Variants in CLINT1 observed in about 807,000 individuals in gnomAD.
CLINT1 encodes clathrin interacting protein localized in the trans-Golgi region.
Under a neutral mutation model 70.4 loss-of-function variants are expected in CLINT1, and 15 were observed. The ratio of observed to expected loss-of-function variants is 0.21; its 90% confidence interval spans 0.14 to 0.33. The LOEUF is 0.33. CLINT1 is among the 10% of genes least tolerant of loss of function. The pLI is 1.00. For synonymous variants in CLINT1, 227 were observed against 254.7 expected (o/e 0.89, Z 1.04); for missense variants, 615 against 778.1 (o/e 0.79, Z 2.49).
intron 1 of CLINT1, among the ~76,000 whole-genome samples, chr5:157,837,324 T>C (rs1763456021): frequency 6.6e-6 from 1 of 152,068 alleles, no homozygotes; most frequent in African/African-American, 2.4e-5. Context: ...CGCAGTGGGC[T>C]AGATTGTGCC....
chr5:157,818,786 A>C (rs1762795771), intron 1 of CLINT1, among the ~76,000 whole-genome samples: 1 of 152,250 alleles, frequency 6.6e-6, no homozygotes, highest in Admixed American at 6.5e-5. Context: ...TTTGGTTAAA[A>C]TGGAATTTCT....
intron 1 of CLINT1, among the ~76,000 whole-genome samples, chr5:157,853,194 C>G (rs1753631538): frequency 2.0e-5 from 3 of 151,372 alleles, no homozygotes; most frequent in African/African-American, 7.3e-5. Context: ...CAAAAATTAG[C>G]TGGGCATGGT....
rs1199602185 is a variant in CLINT1, at chr5:157,809,681, G to A, written c.642C>T (p.Asp214=). ...LSDKIGSTID[D]TISKFRRKDR... The stretch of plus-strand genomic sequence containing the variant: ...CTTTCCTCCGGAACTTGCTGATGGT[G>A]TCATCAATTGTGCTTCCAATTTTAT... Residue 214 remains aspartate, a synonymous_variant, in exon 6 of 12, where the codon GAC becomes GAT. Coordinates refer to ENST00000411809, the MANE Select transcript of CLINT1 (RefSeq NM_014666.4). 7 of 1,612,848 alleles carry A rather than the reference G, an allele frequency of 4.3e-6. No homozygotes were observed. Among genetic ancestry groups the A allele is most frequent in the Non-Finnish European group, 5.9e-6 (7 of 1,179,436 alleles).
intron 1 of CLINT1, among the ~76,000 whole-genome samples, chr5:157,856,687 G>C (rs1753771516): frequency 6.6e-6 from 1 of 152,244 alleles, no homozygotes; most frequent in South Asian, 2.1e-4. Context: ...AAAATCCCGA[G>C]TACTCATCAG....
intron 9 of CLINT1, among the ~76,000 whole-genome samples, chr5:157,792,975 AT>A (rs1761964142): frequency 6.6e-6 from 1 of 152,234 alleles, no homozygotes; most frequent in African/African-American, 2.4e-5. Context: ...TTGGAAATAC[AT>A]TTTGTCTAGC....
chr5:157,790,469 A>C (rs1761867959), intron 10 of CLINT1: 1 of 326,062 alleles, frequency 3.1e-6, no homozygotes, highest in Non-Finnish European at 5.9e-6. Context: ...AGGAACAGGA[A>C]GAGGAAGAAT....
intron 1 of CLINT1, among the ~76,000 whole-genome samples, chr5:157,829,615 C>G (rs1401855402): frequency 6.6e-6 from 1 of 151,442 alleles, no homozygotes; most frequent in East Asian, 2.0e-4. Context: ...CTCAACCTCC[C>G]TGGGCTCAGG....
chr5:157,835,057 C>T (rs1043667948), intron 1 of CLINT1, among the ~76,000 whole-genome samples: 1 of 152,210 alleles, frequency 6.6e-6, no homozygotes, highest in Non-Finnish European at 1.5e-5. Context: ...CAAGCTGACA[C>T]TTTGCCTTCT....
intron 2 of CLINT1, 55 bp from the exon 3 acceptor site, chr5:157,816,885 T>C: frequency 8.0e-7 from 1 of 1,257,230 alleles, no homozygotes; most frequent in East Asian, 2.4e-5. Flanking sequence ...TGACAGTAGA[T>C]GGCAGACTTG....
chr5:157,849,254 C>T (rs1002372556), intron 1 of CLINT1, among the ~76,000 whole-genome samples: 11 of 152,224 alleles, frequency 7.2e-5, no homozygotes, highest in Non-Finnish European at 1.5e-4. Flanking sequence ...CTTCAGCAAT[C>T]CCACAACCCT....
intron 1 of CLINT1, among the ~76,000 whole-genome samples, chr5:157,835,409 T>C (rs1763384827): frequency 6.6e-6 from 1 of 151,998 alleles, no homozygotes; most frequent in Non-Finnish European, 1.5e-5. Flanking sequence ...CTAAAGAAAA[T>C]GTCACCAGAG....
chr5:157,793,931 C>T (rs1761991218), intron 9 of CLINT1, among the ~76,000 whole-genome samples: 1 of 152,040 alleles, frequency 6.6e-6, no homozygotes, highest in South Asian at 2.1e-4. Context: ...AACACTAACT[C>T]AGTCAAATTA....
intron 1 of CLINT1, among the ~76,000 whole-genome samples, chr5:157,839,866 G>A (rs1753091551): frequency 6.6e-6 from 1 of 152,054 alleles, no homozygotes; most frequent in Non-Finnish European, 1.5e-5. Flanking sequence ...TTCCAGGGCT[G>A]AAGCAGTCAA....
At chr5:157,856,017 T>C (rs983088985) in intron 1 of CLINT1, among the ~76,000 whole-genome samples, 7 of 152,198 alleles carry the variant, frequency 4.6e-5, no homozygotes, top group Non-Finnish European at 7.3e-5. Context: ...AACACATTTT[T>C]CAGAGTACAT....
At chr5:157,796,429 G>A (rs571880542) in intron 8 of CLINT1, among the ~76,000 whole-genome samples, 17 of 151,938 alleles carry the variant, frequency 1.1e-4, no homozygotes, top group Non-Finnish European at 2.2e-4. Context: ...TTAAATAGTC[G>A]TCCTTATTTT....
intron 1 of CLINT1, among the ~76,000 whole-genome samples, chr5:157,834,454 A>C (rs10476195): frequency 0.016 from 2,385 of 152,250 alleles, 63 homozygotes; most frequent in African/African-American, 0.054. Context: ...AAGGGACAAA[A>C]ATTCTTAAAT....
At chr5:157,857,224 CAAAAAA>C (rs34211902) in intron 1 of CLINT1, among the ~76,000 whole-genome samples, 1 of 120,706 alleles carries the variant, frequency 8.3e-6, no homozygotes. Context: ...GAGACCCCAT[CAAAAAA>C]AAAAAAAAAA....
At chr5:157,840,194 A>G (rs1405038997) in intron 1 of CLINT1, among the ~76,000 whole-genome samples, 1 of 92,692 alleles carries the variant, frequency 1.1e-5, no homozygotes, top group Non-Finnish European at 2.7e-5. Context: ...GACTGCCTCA[A>G]AAAAAAAAAA....
At chr5:157,854,630 A>C (rs1348554060) in intron 1 of CLINT1, among the ~76,000 whole-genome samples, 1 of 152,242 alleles carries the variant, frequency 6.6e-6, no homozygotes, top group African/African-American at 2.4e-5. Flanking sequence ...TTATAAAAGC[A>C]AAAGTTTCTC....
Sources: gnomAD v4.1 joint callset for allele counts (sites outside exome capture counted in the v4.1 genomes callset) on GRCh38, gnomAD v4.1.1 for gene constraint, MANE v1.5 for transcripts, NCBI Gene and HGNC (gene_info 2026-07-23, HGNC 2026-07-21) for gene names.